Variants in SCN1A observed in about 807,000 individuals in gnomAD.
SCN1A encodes sodium voltage-gated channel alpha subunit 1.
A neutral mutation model predicts 193.7 loss-of-function variants in SCN1A; 13 were observed. The observed-to-expected ratio is 0.07, with a 90% CI of 0.04 to 0.11. The LOEUF (loss-of-function observed/expected upper bound fraction) is 0.11, where lower values mean the gene tolerates loss of function less well. SCN1A is among the 10% of genes least tolerant of loss of function. SCN1A has a pLI of 1.00. For synonymous variants in SCN1A, 781 were observed against 843.6 expected, an observed-to-expected ratio of 0.93 and a Z score of 1.29; for missense variants, 1,432 against 2,451.1, an observed-to-expected ratio of 0.58 and a Z score of 8.78.
chr2:166,002,370 G>T, intron 24 of SCN1A, 102 bp downstream of exon 24: 1 of 1,250,416 alleles, frequency 8.0e-7, no homozygotes. Flanking sequence ...TAAATAGAAA[G>T]AAATATATAC....
At chr2:166,074,188 G>T (rs372372710) in intron 3 of SCN1A, among the ~76,000 whole-genome samples, 1 of 152,156 alleles carries the variant, frequency 6.6e-6, no homozygotes, top group Non-Finnish European at 1.5e-5. Context: ...TCTTGACTGG[G>T]CTTTAACCTC....
chr2:166,035,774 A>G (rs1696243842), intron 19 of SCN1A, among the ~76,000 whole-genome samples: 1 of 152,168 alleles, frequency 6.6e-6, no homozygotes, highest in Non-Finnish European at 1.5e-5. Context: ...TTGGTTGTTT[A>G]TCCTTGTAAT....
chr2:166,045,875 G>C (rs1403619763), intron 12 of SCN1A, among the ~76,000 whole-genome samples: 1 of 152,114 alleles, frequency 6.6e-6, no homozygotes, highest in Non-Finnish European at 1.5e-5. Context: ...ATGGGGAAGG[G>C]AGAATCAATA....
At position 165,986,794 on chromosome 2, in the gene SCN1A, C is replaced by T. The variant is rs1192244865; in HGVS notation, c.*4451G>A. 1 of 151,230 alleles carries T rather than the reference C, an allele frequency of 6.6e-6. No individual in the cohort carries two copies. The highest frequency in any genetic ancestry group is 1.5e-5 in the Non-Finnish European group (1 of 67,852). 9.4% of individuals were successfully genotyped at this position (151,230 alleles called of 1,614,324 possible). On this transcript the variant is annotated 3_prime_UTR_variant, in exon 29 of 29. Coordinates refer to ENST00000674923, the MANE Select transcript of SCN1A (RefSeq NM_001165963.4). ...TACATACATATATATATAAATGTAA[C>T]TCATTTTTCTTTGAACTGATTCAAG...
At chr2:165,996,283 GATA>G (rs1690047995) in intron 26 of SCN1A, 166 bp from the exon 27 acceptor site, 4 of 477,186 alleles carry the variant, frequency 8.4e-6, no homozygotes, top group Non-Finnish European at 1.5e-5. Context: ...CTTTAGGTAT[GATA>G]ATATTTAATT....
chr2:166,060,633 A>T (rs1277215674), intron 4 of SCN1A: 1 of 152,098 alleles, frequency 6.6e-6, no homozygotes, highest in South Asian at 2.1e-4. Context: ...CAAAGTGGGC[A>T]CATCACCTGA....
At chr2:166,125,538 A>G (rs964699134) in intron 2 of SCN1A, among the ~76,000 whole-genome samples, 3 of 152,142 alleles carry the variant, frequency 2.0e-5, no homozygotes, top group African/African-American at 7.2e-5. Context: ...TTCGTCAGCA[A>G]TTCCCAGATG....
chr2:166,120,959 G>A (rs557392797), intron 2 of SCN1A, among the ~76,000 whole-genome samples: 1 of 151,806 alleles, frequency 6.6e-6, no homozygotes, highest in South Asian at 2.1e-4. Flanking sequence ...GGTTGAATTA[G>A]TTTTCCTATA....
rs57044851 is a variant in SCN1A at position 166,120,596 on chromosome 2, C to CTT, written c.-142+6326_-142+6327dup. On this transcript the variant is annotated intron_variant, in intron 2 of 28. Coordinates refer to ENST00000674923, the MANE Select transcript of SCN1A (RefSeq NM_001165963.4). Reference sequence around the variant, plus strand: ...TAGACTGTTTTCTTTTTTCTTTTCTCTTTTTTTTTTTTTTTTTTTTTTTTT... The same window carrying CTT: ...TAGACTGTTTTCTTTTTTCTTTTCTCTTTTTTTTTTTTTTTTTTTTTTTTTTT... Among the ~76,000 whole-genome samples, 458 of 72,478 alleles carry CTT rather than the reference C, an allele frequency of 6.3e-3. 59 individuals carry two copies. The highest frequency in any genetic ancestry group is 0.061 in the Admixed American group (263 of 4,302). The allele number at this position is 72,478 out of a possible 152,430, so 47.5% of individuals were successfully genotyped here. A position where few individuals can be genotyped will look rare whatever the true frequency, so the allele number is the denominator to read the frequency against.
intron 2 of SCN1A, among the ~76,000 whole-genome samples, chr2:166,083,888 T>G (rs1291844257): frequency 1.3e-5 from 2 of 152,180 alleles, no homozygotes; most frequent in African/African-American, 4.8e-5. Flanking sequence ...GTTTTCCTGT[T>G]AGAAAATAAG....
intron 19 of SCN1A, 156 bp from the exon 20 acceptor site, chr2:166,015,883 A>G (rs1306182520): frequency 2.6e-6 from 2 of 759,422 alleles, no homozygotes; most frequent in African/African-American, 1.8e-5. Context: ...AAGAAATAAG[A>G]AAATCATTGT....
intron 7 of SCN1A, among the ~76,000 whole-genome samples, chr2:166,054,102 T>G (rs900095974): frequency 6.6e-6 from 1 of 151,916 alleles, no homozygotes; most frequent in African/African-American, 2.4e-5. Context: ...AATCAGTAAT[T>G]TAATATATTA....
intron 2 of SCN1A, among the ~76,000 whole-genome samples, chr2:166,085,058 C>T (rs1260185405): frequency 1.3e-5 from 2 of 152,142 alleles, no homozygotes; most frequent in African/African-American, 4.8e-5. Context: ...CACTGGACCA[C>T]CCCTGTATAT....
intron 1 of SCN1A, among the ~76,000 whole-genome samples, chr2:166,135,394 T>C (rs1466098252): frequency 6.6e-6 from 1 of 152,198 alleles, no homozygotes; most frequent in Admixed American, 6.5e-5. Context: ...TCTGTTTCCC[T>C]AAAGAATTCC....
At position 166,035,934 on chromosome 2, in the gene SCN1A, T is replaced by TA. The variant is rs34673057; in HGVS notation, c.3429+113dup. On this transcript the variant is annotated intron_variant, in intron 19 of 28. Transcript: ENST00000674923. ...CTATTGCTTTTGTATTATCATAAAG[T>TA]AAAAAAAAAAAAAAATCTTAAGTCA... is the stretch of plus-strand genomic sequence containing the variant. 2.9e-3 allele frequency: 3,115 copies of TA among 1,068,734 alleles called. 4 individuals carry two copies. Among genetic ancestry groups the TA allele is most frequent in the East Asian group, 0.011 (406 of 36,282 alleles). The allele number at this position is 1,068,734 out of a possible 1,614,324, so 66.2% of individuals were successfully genotyped here. A position where few individuals can be genotyped will look rare whatever the true frequency, so the allele number is the denominator to read the frequency against.
At chr2:166,041,856 G>C (rs1056314623) in intron 15 of SCN1A, among the ~76,000 whole-genome samples, 2 of 152,100 alleles carry the variant, frequency 1.3e-5, no homozygotes, top group Non-Finnish European at 2.9e-5. Context: ...GCTAGAATAG[G>C]GATTGATGTG....
chr2:166,072,830 C>CTTCT (rs1335328966), intron 4 of SCN1A, among the ~76,000 whole-genome samples: 5 of 122,852 alleles, frequency 4.1e-5, no homozygotes, highest in Non-Finnish European at 3.1e-5. Context: ...CCCACCCTCT[C>CTTCT]TTCTTTCTTT....
rs181797134 is a variant in SCN1A at position 166,011,118 on chromosome 2, C to A, written c.3879+991G>T. On this transcript the variant is annotated intron_variant, in intron 22 of 28. Coordinates refer to ENST00000674923, the MANE Select transcript of SCN1A (RefSeq NM_001165963.4). ...TAAAGCAATTCTTCCTTTGAGATTT[C>A]TCTCAATTGGCTCATTTCACAGTAA... Among the ~76,000 whole-genome samples, 5 of 151,220 alleles carry A rather than the reference C, an allele frequency of 3.3e-5. No individual in the cohort carries two copies. In the East Asian group the frequency reaches 9.7e-4, roughly 29 times the overall value.
intron 2 of SCN1A, among the ~76,000 whole-genome samples, chr2:166,113,050 C>T (rs1367437980): frequency 1.3e-5 from 2 of 152,130 alleles, no homozygotes; most frequent in East Asian, 3.9e-4. Context: ...GCTGGTCAGT[C>T]AGAAGTTCCA....
Sources: allele counts gnomAD v4.1 joint callset (sites outside exome capture counted in the v4.1 genomes callset), GRCh38; gene constraint gnomAD v4.1.1; transcripts MANE v1.5; gene names NCBI Gene and HGNC (gene_info 2026-07-23, HGNC 2026-07-21).